The following ZFHX3 variants were observed in gnomAD, a reference collection of about 807,000 sequenced individuals.
ZFHX3 encodes zinc finger homeobox protein 3.
ZFHX3 carries 42 observed loss-of-function variants against 279.1 expected under a neutral mutation model. The ratio of observed to expected loss-of-function variants is 0.15; its 90% CI spans 0.12 to 0.19. ZFHX3 has a LOEUF of 0.19. Ranked by LOEUF, ZFHX3 falls within the 10% of genes least tolerant of loss-of-function variation. ZFHX3 has a pLI of 1.00. For synonymous variants in ZFHX3, 2,293 were observed against 1,957.8 expected (o/e 1.17, Z -4.52); for missense variants, 4,981 against 4,754.0 (o/e 1.05, Z -1.40).
chr16:73,174,526 G>A (rs1230270138), intron 5 of ZFHX3, among the ~76,000 whole-genome samples: 2 of 151,968 alleles, frequency 1.3e-5, no homozygotes, highest in African/African-American at 2.4e-5. Context: ...CACTGCTTGG[G>A]CTGCCTCTCA....
intron 5 of ZFHX3, among the ~76,000 whole-genome samples, chr16:73,213,681 A>G (rs946709277): frequency 6.6e-6 from 1 of 152,210 alleles, no homozygotes; most frequent in African/African-American, 2.4e-5. Context: ...TATTTAAAAC[A>G]CGGGTGATGC....
chr16:73,497,849 A>G (rs2019168116), intron 2 of ZFHX3, among the ~76,000 whole-genome samples: 1 of 152,196 alleles, frequency 6.6e-6, no homozygotes, highest in South Asian at 2.1e-4. Context: ...GCCTTGTAAT[A>G]TGTTATCACT....
chr16:73,318,782 A>G (rs2015510203), intron 3 of ZFHX3, among the ~76,000 whole-genome samples: 2 of 152,220 alleles, frequency 1.3e-5, no homozygotes, highest in South Asian at 2.1e-4. Context: ...GTTTAATTAT[A>G]TCTTGTAATT....
At chr16:73,407,040 G>A (rs925679565) in intron 3 of ZFHX3, among the ~76,000 whole-genome samples, 8 of 146,076 alleles carry the variant, frequency 5.5e-5, no homozygotes, top group African/African-American at 1.8e-4. Context: ...TCAAAAGAAA[G>A]GGTGATTTTT....
At chr16:73,411,125 G>A (rs1465644543) in intron 3 of ZFHX3, among the ~76,000 whole-genome samples, 1 of 152,208 alleles carries the variant, frequency 6.6e-6, no homozygotes, top group Non-Finnish European at 1.5e-5. Context: ...TTTAAAGACA[G>A]GGCCCTGTGA....
chr16:72,979,973 C>T (rs1962515794), intron 1 of ZFHX3, among the ~76,000 whole-genome samples: 2 of 152,192 alleles, frequency 1.3e-5, no homozygotes, highest in African/African-American at 4.8e-5. Flanking sequence ...CCAGTAATTT[C>T]TCAACTGCTG....
At chr16:73,868,198 TAC>T (rs1332343295) in intron 1 of ZFHX3, among the ~76,000 whole-genome samples, 2 of 152,228 alleles carry the variant, frequency 1.3e-5, no homozygotes, top group African/African-American at 4.8e-5. Flanking sequence ...TGGTGAAATC[TAC>T]AGTGTCCACA....
At chr16:72,803,987 T>C (rs1439012689) in intron 7 of ZFHX3, among the ~76,000 whole-genome samples, 1 of 152,206 alleles carries the variant, frequency 6.6e-6, no homozygotes, top group Non-Finnish European at 1.5e-5. Flanking sequence ...CATGGAAACT[T>C]GGGAAGAAAC....
intron 3 of ZFHX3, among the ~76,000 whole-genome samples, chr16:73,385,720 C>T (rs1290939466): frequency 6.6e-6 from 1 of 152,210 alleles, no homozygotes; most frequent in East Asian, 1.9e-4. Flanking sequence ...ATGCCAGTGC[C>T]CCCCACTGCT....
intron 1 of ZFHX3, among the ~76,000 whole-genome samples, chr16:73,744,592 A>G (rs1567396103): frequency 6.6e-6 from 1 of 152,124 alleles, no homozygotes. Flanking sequence ...TATTTTCCTC[A>G]TTCTACTTTA....
intron 4 of ZFHX3, among the ~76,000 whole-genome samples, chr16:72,844,559 G>A (rs992147518): frequency 5.3e-5 from 8 of 152,082 alleles, no homozygotes; most frequent in African/African-American, 1.9e-4. Context: ...ACACACTGGG[G>A]CTCAGGAGTG....
intron 5 of ZFHX3, among the ~76,000 whole-genome samples, chr16:73,225,455 T>G (rs1175131812): frequency 6.6e-6 from 1 of 152,068 alleles, no homozygotes; most frequent in East Asian, 1.9e-4. Flanking sequence ...GCTGGTATGG[T>G]GGCACACACC....
intron 2 of ZFHX3, among the ~76,000 whole-genome samples, chr16:73,538,345 A>G (rs2019943858): frequency 6.6e-6 from 1 of 152,194 alleles, no homozygotes; most frequent in Admixed American, 6.5e-5. Context: ...AATATAATTA[A>G]AAGTTCATGA....
At chr16:73,034,468 C>T (rs911029801) in intron 1 of ZFHX3, among the ~76,000 whole-genome samples, 1 of 152,176 alleles carries the variant, frequency 6.6e-6, no homozygotes, top group African/African-American at 2.4e-5. Context: ...AACCGGAAGC[C>T]TGTGTGTGTG....
chr16:73,439,640 G>A (rs16971962), intron 3 of ZFHX3, among the ~76,000 whole-genome samples: 2 of 151,990 alleles, frequency 1.3e-5, no homozygotes, highest in Non-Finnish European at 2.9e-5. Context: ...TTTGTTGCCA[G>A]TCAGATTGCC....
Position 72,958,960 on chromosome 16 carries a change from T to C in ZFHX3, c.1186A>G (p.Thr396Ala), listed in dbSNP as rs779424417. 1.3e-6 allele frequency: 2 copies of C among 1,598,248 alleles called. No homozygotes were observed. The highest frequency in any genetic ancestry group is 2.2e-5 in the East Asian group (1 of 44,694). The change falls in exon 2 of 10, where the codon ACC (threonine) becomes GCC (alanine). Residue 396 changes from threonine to alanine, a missense_variant. Physicochemically the swap from Thr to Ala is moderately conservative, Grantham distance 58 (BLOSUM62 0). Coordinates refer to ENST00000268489, the MANE Select transcript of ZFHX3 (RefSeq NM_006885.4). ...GPEQPQAGLL[T>A]PSTLLNLGGL... Reference sequence around the variant, plus strand: ...CCAAGGTTCAACAGGGTGCTGGGGGTCAAGAGACCAGCCTGGGGCTGCTCG... The same window carrying C: ...CCAAGGTTCAACAGGGTGCTGGGGGCCAAGAGACCAGCCTGGGGCTGCTCG...
intron 1 of ZFHX3, among the ~76,000 whole-genome samples, chr16:73,840,009 C>T (rs920027563): frequency 1.3e-5 from 2 of 152,206 alleles, no homozygotes; most frequent in African/African-American, 4.8e-5. Context: ...TCTCAAATCC[C>T]ATCTTTCACA....
intron 1 of ZFHX3, among the ~76,000 whole-genome samples, chr16:73,871,545 C>G (rs2029862396): frequency 6.6e-6 from 1 of 151,380 alleles, no homozygotes; most frequent in Admixed American, 6.6e-5. Context: ...CCTGAAATAG[C>G]CACAGGACCA....
intron 2 of ZFHX3, among the ~76,000 whole-genome samples, chr16:73,476,118 G>A (rs1470544266): frequency 6.6e-6 from 1 of 152,060 alleles, no homozygotes; most frequent in Non-Finnish European, 1.5e-5. Flanking sequence ...TTGTTTTCCT[G>A]TTTGCAAGCT....
Sources: allele counts gnomAD v4.1 joint callset (sites outside exome capture counted in the v4.1 genomes callset), GRCh38; gene constraint gnomAD v4.1.1; transcripts MANE v1.5; gene names NCBI Gene and HGNC (gene_info 2026-07-23, HGNC 2026-07-21).